The following NALCN variants were observed in gnomAD, a reference collection of about 807,000 sequenced individuals.
NALCN encodes the protein sodium leak channel NALCN.
Under a neutral mutation model 225.3 loss-of-function variants are expected in NALCN, and 111 were observed. The ratio of observed to expected loss-of-function variants is 0.49; its 90% confidence interval spans 0.42 to 0.58. The LOEUF (loss-of-function observed/expected upper bound fraction) is 0.58, where lower values mean the gene tolerates loss of function less well. NALCN is among the 20% of genes least tolerant of loss of function. NALCN has a pLI of 0.00. For missense variants in NALCN, 1,378 were observed against 2,202.4 expected, an observed-to-expected ratio of 0.63 and a Z score of 7.49; for synonymous variants, 764 against 769.0, an observed-to-expected ratio of 0.99 and a Z score of 0.11.
rs144877761 is a variant in NALCN, at chr13:101,267,882, A to T, written c.1135-9308T>A. Among the ~76,000 whole-genome samples, 1,101 of 152,298 alleles carry T rather than the reference A, an allele frequency of 7.2e-3. 10 individuals carry two copies. The highest frequency in any genetic ancestry group is 0.028 in the South Asian group (133 of 4,830). ...GATGCCTTGTGGTTTAGCAAAAGCT[A>T]TTATACCTACCAAGCTGGTTTCCTC... On this transcript the variant is annotated intron_variant, in intron 10 of 43. Transcript: ENST00000251127.
At chr13:101,380,884 A>G (rs1040928009) in intron 3 of NALCN, among the ~76,000 whole-genome samples, 1 of 151,478 alleles carries the variant, frequency 6.6e-6, no homozygotes, top group Non-Finnish European at 1.5e-5. Flanking sequence ...ACACACACAC[A>G]CACACACACC....
chr13:101,192,620 A>G (rs914752847), intron 13 of NALCN, among the ~76,000 whole-genome samples: 5 of 152,136 alleles, frequency 3.3e-5, no homozygotes, highest in Non-Finnish European at 5.9e-5. Flanking sequence ...ATTTAAAAAA[A>G]GTTTCAAGGC....
intron 7 of NALCN, among the ~76,000 whole-genome samples, chr13:101,308,224 C>T (rs2044217416): frequency 6.6e-6 from 1 of 152,212 alleles, no homozygotes; most frequent in Admixed American, 6.5e-5. Context: ...ACTCTAGACT[C>T]ATTCTTCTCT....
chr13:101,197,591 T>C (rs1291501880), intron 13 of NALCN, among the ~76,000 whole-genome samples: 1 of 152,170 alleles, frequency 6.6e-6, no homozygotes, highest in African/African-American at 2.4e-5. Context: ...TAAACATCAC[T>C]ATACGGGTCA....
chr13:101,059,838 C>CCTGA lies in NALCN; in HGVS notation c.4881_4884dup (p.Asp1629SerfsTer8). 6.2e-7 allele frequency: 1 copy of CCTGA among 1,614,036 alleles called. No individual in the cohort carries two copies. Among genetic ancestry groups the CCTGA allele is most frequent in the Non-Finnish European group, 8.5e-7 (1 of 1,180,002 alleles). Reference sequence around the variant, plus strand: ...CATACCTCAGGTTGCATGCTGTTGTCCTGACTGTTGGCATTCGTGTCCTCA... The same window carrying CCTGA: ...CATACCTCAGGTTGCATGCTGTTGTCCTGACTGACTGTTGGCATTCGTGTCCTCA... On this transcript the variant is annotated frameshift_variant, in exon 42 of 44. Coordinates refer to ENST00000251127, the MANE Select transcript of NALCN (RefSeq NM_052867.4). LOFTEE classifies it high-confidence loss of function.
At chr13:101,253,969 CATTCATTTGAAACAAATCACTTTG>C (rs1351115277) in intron 11 of NALCN, among the ~76,000 whole-genome samples, 2 of 152,152 alleles carry the variant, frequency 1.3e-5, no homozygotes, top group African/African-American at 4.8e-5. Flanking sequence ...GACTTTTTCA[CATTCATTTGAAACAAATCACTTTG>C]TCTCATGTAT....
Position 101,312,145 on chromosome 13 carries a change from C to T in NALCN, c.800-19779G>A, listed in dbSNP as rs191965742. 1.9e-3 allele frequency among the ~76,000 whole-genome samples: 293 copies of T among 152,226 alleles called. 1 individual carries two copies. The highest frequency in any genetic ancestry group is 6.7e-3 in the African/African-American group (277 of 41,536). On this transcript the variant is annotated intron_variant, in intron 7 of 43. Transcript: ENST00000251127. ...TCTTCTAGATTTTCTAGTTTATTTG[C>T]GTAGAGGTGTTTGTAATATTCTCTG...
chr13:101,091,407 G>A (rs1051154297), intron 28 of NALCN, among the ~76,000 whole-genome samples: 2 of 152,100 alleles, frequency 1.3e-5, no homozygotes, highest in Non-Finnish European at 2.9e-5. Flanking sequence ...CACAAGATGT[G>A]CCTTCATAAG....
chr13:101,110,882 T>G (rs1053137040), intron 19 of NALCN, among the ~76,000 whole-genome samples, 194 bp from the exon 20 acceptor site: 3 of 152,252 alleles, frequency 2.0e-5, no homozygotes, highest in Admixed American at 2.0e-4. Flanking sequence ...GAATTTTTCC[T>G]TCTGATCTTA....
intron 25 of NALCN, 73 bp from the exon 26 acceptor site, chr13:101,103,412 T>G: frequency 6.7e-7 from 1 of 1,498,796 alleles, no homozygotes; most frequent in Non-Finnish European, 8.9e-7. Flanking sequence ...GACAGCCGAC[T>G]GGCCACAACT....
intron 3 of NALCN, among the ~76,000 whole-genome samples, chr13:101,382,944 C>A (rs1305113282): frequency 6.6e-6 from 1 of 152,138 alleles, no homozygotes; most frequent in Admixed American, 6.5e-5. Flanking sequence ...AAATAATCCT[C>A]TGGGCATAAG....
intron 19 of NALCN, 48 bp downstream of exon 19, chr13:101,111,077 A>C (rs762777694): frequency 4.7e-5 from 74 of 1,559,628 alleles, no homozygotes; most frequent in Middle Eastern, 1.7e-4. Context: ...TTCCTGTAAA[A>C]CCCCCCTTTT....
At chr13:101,088,273 A>G (rs902720023) in intron 30 of NALCN, among the ~76,000 whole-genome samples, 1 of 152,052 alleles carries the variant, frequency 6.6e-6, no homozygotes, top group Non-Finnish European at 1.5e-5. Flanking sequence ...GCTAACTGGT[A>G]CCACTCACGT....
intron 4 of NALCN, 56 bp downstream of exon 4, chr13:101,378,514 A>T (rs2046756648): frequency 1.4e-6 from 2 of 1,391,232 alleles, no homozygotes; most frequent in Non-Finnish European, 2.0e-6. Flanking sequence ...CTTTTAATGC[A>T]AAATAATTCC....
At chr13:101,165,683 G>A (rs1251102006) in intron 15 of NALCN, among the ~76,000 whole-genome samples, 2 of 152,152 alleles carry the variant, frequency 1.3e-5, no homozygotes, top group African/African-American at 2.4e-5. Flanking sequence ...GCCACGTTGC[G>A]CAGGCTGATC....
At chr13:101,219,207 T>C (rs1192009516) in intron 13 of NALCN, among the ~76,000 whole-genome samples, 1 of 152,214 alleles carries the variant, frequency 6.6e-6, no homozygotes, top group Non-Finnish European at 1.5e-5. Flanking sequence ...TTGAATTTTA[T>C]GGAATAAATT....
At chr13:101,056,972 T>A (rs960884819) in intron 43 of NALCN, 5 of 152,160 alleles carry the variant, frequency 3.3e-5, no homozygotes, top group African/African-American at 1.2e-4. Context: ...TCTTCTCTGA[T>A]CTCTGAAAAA....
intron 15 of NALCN, among the ~76,000 whole-genome samples, chr13:101,163,091 T>C (rs2038265273): frequency 6.6e-6 from 1 of 152,012 alleles, no homozygotes; most frequent in Non-Finnish European, 1.5e-5. Context: ...TTAGTAGAGA[T>C]AGGGTTTCAC....
chr13:101,270,240 G>C (rs2042731872), intron 10 of NALCN, among the ~76,000 whole-genome samples: 1 of 151,914 alleles, frequency 6.6e-6, no homozygotes, highest in South Asian at 2.1e-4. Context: ...TGTCTTCATG[G>C]GTAAGTTAGT....
Sources: gnomAD v4.1 joint callset for allele counts (sites outside exome capture counted in the v4.1 genomes callset) on GRCh38, gnomAD v4.1.1 for gene constraint, MANE v1.5 for transcripts, NCBI Gene and HGNC (gene_info 2026-07-23, HGNC 2026-07-21) for gene names.